The following TRAPPC8 variants were observed in gnomAD, a reference collection of about 807,000 sequenced individuals.
TRAPPC8 encodes the protein general sporulation gene 1 homolog.
A neutral mutation model predicts 174.3 loss-of-function variants in TRAPPC8; 54 were observed. That is an observed-to-expected ratio of 0.31 (90% CI 0.25 to 0.39). The LOEUF is 0.39. Among genes scored for constraint, TRAPPC8 ranks in the 10% least tolerant of loss-of-function variants. The pLI is 1.00. For missense variants in TRAPPC8, 1,531 were observed against 1,699.1 expected, an observed-to-expected ratio of 0.90 and a Z score of 1.74; for synonymous variants, 630 against 579.9, an observed-to-expected ratio of 1.09 and a Z score of -1.24.
At chr18:31,930,127 T>C (rs555770106) in intron 2 of TRAPPC8, among the ~76,000 whole-genome samples, 1 of 152,176 alleles carries the variant, frequency 6.6e-6, no homozygotes, top group East Asian at 1.9e-4. Context: ...AAAAACTTTT[T>C]TTTTTTTTTT....
chr18:31,848,865 T>C (rs1394751565), intron 25 of TRAPPC8, among the ~76,000 whole-genome samples: 21 of 152,196 alleles, frequency 1.4e-4, no homozygotes, highest in Non-Finnish European at 8.8e-5. Flanking sequence ...CTTTGCAGTA[T>C]AGTTCAGTTA....
At chr18:31,937,301 C>T (rs759021000) in intron 1 of TRAPPC8, among the ~76,000 whole-genome samples, 96 of 152,172 alleles carry the variant, frequency 6.3e-4, no homozygotes, top group Non-Finnish European at 6.0e-4. Flanking sequence ...GAATCCAAAG[C>T]GGGTAAATTG....
chr18:31,830,652 A>C lies in TRAPPC8; in HGVS notation c.*103T>G. On this transcript the variant is annotated 3_prime_UTR_variant, in exon 29 of 29. Transcript: ENST00000283351. The stretch of plus-strand genomic sequence containing the variant: ...AGTCAAAGTATTTTGCAGGGATCAG[A>C]TATCAATCAACCTCCATAACAAGTT... The C allele has an allele frequency of 5.3e-6, 5 of 950,448 alleles. No homozygotes were observed. The highest frequency in any genetic ancestry group is 7.8e-6 in the Non-Finnish European group (5 of 640,558). 58.9% of individuals were successfully genotyped at this position (950,448 alleles called of 1,614,324 possible).
intron 1 of TRAPPC8, among the ~76,000 whole-genome samples, chr18:31,935,918 T>G (rs2038077826): frequency 6.6e-6 from 1 of 151,390 alleles, no homozygotes; most frequent in Non-Finnish European, 1.5e-5. Context: ...TGTGTTTTTT[T>G]AGTAGAGACG....
chr18:31,904,665 C>T (rs1411214000), intron 9 of TRAPPC8, among the ~76,000 whole-genome samples: 1 of 152,148 alleles, frequency 6.6e-6, no homozygotes, highest in Non-Finnish European at 1.5e-5. Context: ...GCAGTATCTG[C>T]TCTAAAATTC....
chr18:31,916,512 A>T, intron 3 of TRAPPC8, 66 bp from the exon 4 acceptor site: 1 of 1,417,298 alleles, frequency 7.1e-7, no homozygotes, highest in Non-Finnish European at 9.4e-7. Flanking sequence ...TCCTACTGAG[A>T]TAAACAGGAG....
At position 31,922,356 on chromosome 18, in the gene TRAPPC8, G is replaced by A. The variant is rs140392877; in HGVS notation, c.353-4689C>T. Among the ~76,000 whole-genome samples the A allele has an allele frequency of 7.1e-3, 1,085 of 152,296 alleles. 15 individuals carry two copies. Among genetic ancestry groups the A allele is most frequent in the African/African-American group, 0.025 (1,041 of 41,560 alleles). Reference sequence around the variant, plus strand: ...GCCTGTAATCCCAGCACTTTGGGAGGCTGAGGTGGAGGGATCACTTGAGCC... The same window carrying A: ...GCCTGTAATCCCAGCACTTTGGGAGACTGAGGTGGAGGGATCACTTGAGCC... On this transcript the variant is annotated intron_variant, in intron 2 of 28. Coordinates refer to ENST00000283351, the MANE Select transcript of TRAPPC8 (RefSeq NM_014939.5).
chr18:31,880,598 T>C (rs886115525), intron 12 of TRAPPC8, among the ~76,000 whole-genome samples: 5 of 151,998 alleles, frequency 3.3e-5, no homozygotes, highest in African/African-American at 1.2e-4. Context: ...AAGACAAGGA[T>C]GTACACTCTG....
At chr18:31,933,941 CT>C (rs2037966922) in intron 1 of TRAPPC8, among the ~76,000 whole-genome samples, 1 of 152,064 alleles carries the variant, frequency 6.6e-6, no homozygotes, top group African/African-American at 2.4e-5. Flanking sequence ...AATCCCAGCA[CT>C]TTTGGGAGGC....
intron 5 of TRAPPC8, among the ~76,000 whole-genome samples, chr18:31,912,860 G>A (rs1400005788): frequency 2.0e-5 from 3 of 152,200 alleles, no homozygotes; most frequent in South Asian, 2.1e-4. Context: ...AGGCGCGGTG[G>A]CTCACACCTG....
intron 14 of TRAPPC8, among the ~76,000 whole-genome samples, chr18:31,871,719 A>T (rs1186717651): frequency 1.3e-5 from 2 of 152,186 alleles, no homozygotes; most frequent in Non-Finnish European, 2.9e-5. Context: ...GGAAATGTAG[A>T]ATTAGCATGA....
intron 19 of TRAPPC8, 131 bp downstream of exon 19, chr18:31,864,496 C>T: frequency 1.2e-6 from 1 of 814,504 alleles, no homozygotes; most frequent in South Asian, 2.3e-5. Flanking sequence ...ATATATTTAA[C>T]ACTAGCTTAA....
chr18:31,932,471 A>C (rs1377127836), intron 1 of TRAPPC8, among the ~76,000 whole-genome samples: 4 of 151,652 alleles, frequency 2.6e-5, no homozygotes, highest in Non-Finnish European at 5.9e-5. Flanking sequence ...CAATGTCCAG[A>C]TCCCTTTTAC....
intron 5 of TRAPPC8, among the ~76,000 whole-genome samples, chr18:31,912,478 C>T (rs993718490): frequency 6.0e-5 from 9 of 149,446 alleles, no homozygotes; most frequent in South Asian, 2.3e-4. Flanking sequence ...GGCAACAGAG[C>T]GAGACTCTTT....
chr18:31,838,892 T>C (rs968965984), intron 27 of TRAPPC8, among the ~76,000 whole-genome samples: 4 of 152,194 alleles, frequency 2.6e-5, no homozygotes, highest in African/African-American at 4.8e-5. Flanking sequence ...CACCATCCTC[T>C]TTCTGTTCTA....
chr18:31,920,148 T>C (rs1425173166), intron 2 of TRAPPC8, among the ~76,000 whole-genome samples: 1 of 152,218 alleles, frequency 6.6e-6, no homozygotes, highest in Non-Finnish European at 1.5e-5. Context: ...AATTACTATC[T>C]CCACCTTTTA....
intron 20 of TRAPPC8, among the ~76,000 whole-genome samples, chr18:31,856,804 AATC>A (rs1224786739): frequency 6.7e-6 from 1 of 148,342 alleles, no homozygotes; most frequent in African/African-American, 2.6e-5. Flanking sequence ...CAAATGCTAA[AATC>A]TTTTTTTTTT....
At chr18:31,926,707 G>T (rs372565623) in intron 2 of TRAPPC8, 2 of 152,106 alleles carry the variant, frequency 1.3e-5, no homozygotes, top group Admixed American at 1.3e-4. Flanking sequence ...GATTACAGGC[G>T]TGAGCCACCA....
chr18:31,834,014 C>A (rs12103981), intron 27 of TRAPPC8, among the ~76,000 whole-genome samples: 88,710 of 132,786 alleles, frequency 0.67, 31,222 homozygotes, highest in African/African-American at 0.84. Flanking sequence ...AAAAAAAAAA[C>A]AAAAAACAGA....
Sources: gnomAD v4.1 joint callset for allele counts (sites outside exome capture counted in the v4.1 genomes callset) on GRCh38, gnomAD v4.1.1 for gene constraint, MANE v1.5 for transcripts, NCBI Gene and HGNC (gene_info 2026-07-23, HGNC 2026-07-21) for gene names.